IL1RAPL2: variants seen among roughly 807,000 people sequenced by gnomAD.
The protein encoded by IL1RAPL2 is X-linked interleukin-1 receptor accessory protein-like 2.
Under a neutral mutation model 44.1 loss-of-function variants are expected in IL1RAPL2, and 3 were observed. The ratio of observed to expected loss-of-function variants is 0.07; its 90% CI spans 0.03 to 0.18. IL1RAPL2 has a LOEUF of 0.18. IL1RAPL2 is among the 10% of genes least tolerant of loss of function. The pLI is 1.00. For missense variants in IL1RAPL2, 391 were observed against 496.4 expected (o/e 0.79, Z 2.02); for synonymous variants, 181 against 178.8 (o/e 1.01, Z -0.10).
chrX:104,893,799 A>G (rs1420342384), intron 2 of IL1RAPL2, among the ~76,000 whole-genome samples: 1 of 111,330 alleles, frequency 9.0e-6, no homozygotes, highest in Non-Finnish European at 1.9e-5. Context: ...TAAGGTTAAT[A>G]TTGTTATGTG....
At chrX:104,925,982 T>C (rs1423977982) in intron 2 of IL1RAPL2, among the ~76,000 whole-genome samples, 1 of 112,198 alleles carries the variant, frequency 8.9e-6, no homozygotes, top group Non-Finnish European at 1.9e-5. Context: ...AGCTGATAAA[T>C]AACTTCAGCA....
chrX:104,867,945 A>G (rs1488738237), intron 2 of IL1RAPL2, among the ~76,000 whole-genome samples: 1 of 111,954 alleles, frequency 8.9e-6, no homozygotes, highest in African/African-American at 3.2e-5. Flanking sequence ...ATTAATCTGG[A>G]AGTTAAGTAG....
chrX:105,751,143 G>A (rs1165927568), intron 9 of IL1RAPL2, among the ~76,000 whole-genome samples: 1 of 110,276 alleles, frequency 9.1e-6, no homozygotes, highest in Non-Finnish European at 1.9e-5. Context: ...GCATGGTGGT[G>A]CATGCCTTTG....
intron 5 of IL1RAPL2, among the ~76,000 whole-genome samples, chrX:105,317,577 A>G (rs907603644): frequency 8.9e-6 from 1 of 111,893 alleles, no homozygotes; most frequent in Non-Finnish European, 1.9e-5. Context: ...AACATAATCC[A>G]GATCATGAAG....
intron 2 of IL1RAPL2, among the ~76,000 whole-genome samples, chrX:104,768,539 G>A (rs763261329): frequency 9.0e-6 from 1 of 111,488 alleles, no homozygotes; most frequent in Admixed American, 9.6e-5. Context: ...TGATACTTAT[G>A]CTCAGTGGTT....
intron 1 of IL1RAPL2, among the ~76,000 whole-genome samples, chrX:104,576,495 G>A (rs911197770): frequency 6.3e-5 from 7 of 111,352 alleles, no homozygotes; most frequent in African/African-American, 2.0e-4. Context: ...ATCCTAAGGC[G>A]TTGTACCATA....
At chrX:105,020,065 T>C (rs1434443706) in intron 2 of IL1RAPL2, among the ~76,000 whole-genome samples, 1 of 110,928 alleles carries the variant, frequency 9.0e-6, no homozygotes, top group Non-Finnish European at 1.9e-5. Flanking sequence ...GCTCAAACTA[T>C]TGTGCTCAGG....
At chrX:104,740,217 G>A (rs1045012212) in intron 2 of IL1RAPL2, among the ~76,000 whole-genome samples, 1 of 111,082 alleles carries the variant, frequency 9.0e-6, no homozygotes, top group African/African-American at 3.3e-5. Context: ...CTAGTACATG[G>A]TTTCAGGTCA....
chrX:105,109,822 C>T (rs146662110), intron 2 of IL1RAPL2, among the ~76,000 whole-genome samples: 1,272 of 112,143 alleles, frequency 0.011, 22 homozygotes, highest in African/African-American at 0.039. Flanking sequence ...GATCTGACAA[C>T]GTAGAAAAAT....
chrX:104,567,830 T>C (rs753973814), intron 1 of IL1RAPL2, among the ~76,000 whole-genome samples: 2 of 112,346 alleles, frequency 1.8e-5, no homozygotes, highest in East Asian at 5.7e-4. Flanking sequence ...CAGCTTGATC[T>C]GTCACCATCA....
intron 6 of IL1RAPL2, among the ~76,000 whole-genome samples, chrX:105,491,436 A>G (rs922533758): frequency 4.5e-5 from 5 of 111,682 alleles, no homozygotes; most frequent in Non-Finnish European, 9.4e-5. Context: ...TAAATTTTTT[A>G]TATCATATTC....
intron 2 of IL1RAPL2, among the ~76,000 whole-genome samples, chrX:104,998,104 G>A (rs1169344403): frequency 9.0e-6 from 1 of 111,515 alleles, no homozygotes; most frequent in East Asian, 2.9e-4. Context: ...AATAAAAAAG[G>A]AGAATCCAAC....
chrX:105,101,946 G>A (rs989383052), intron 2 of IL1RAPL2, among the ~76,000 whole-genome samples: 15 of 111,987 alleles, frequency 1.3e-4, no homozygotes, highest in Middle Eastern at 4.6e-3. Context: ...GCTTTTTTAC[G>A]TTTGACTCTT....
intron 1 of IL1RAPL2, among the ~76,000 whole-genome samples, chrX:104,623,532 G>T (rs1929440232): frequency 9.0e-6 from 1 of 110,932 alleles, no homozygotes; most frequent in African/African-American, 3.3e-5. Context: ...ATAGGCAAAG[G>T]CTACCCATCA....
intron 2 of IL1RAPL2, among the ~76,000 whole-genome samples, chrX:104,792,870 G>T (rs1206218013): frequency 8.9e-6 from 1 of 111,900 alleles, no homozygotes; most frequent in Non-Finnish European, 1.9e-5. Context: ...CTTTTAAAAT[G>T]GATTTCCATC....
At chrX:104,658,235 G>C (rs1191344580) in intron 1 of IL1RAPL2, among the ~76,000 whole-genome samples, 2 of 112,246 alleles carry the variant, frequency 1.8e-5, no homozygotes, top group Non-Finnish European at 1.9e-5. Flanking sequence ...TCAATGATAG[G>C]CTGGATTAAG....
chrX:105,174,791 A>G (rs1230715365), intron 2 of IL1RAPL2, among the ~76,000 whole-genome samples: 2 of 111,465 alleles, frequency 1.8e-5, no homozygotes, highest in Admixed American at 1.9e-4. Flanking sequence ...AGCACCTTCA[A>G]TGTCACCCAC....
rs140870252 is a variant in IL1RAPL2, at chrX:105,614,230, G to A, written c.773-103137G>A. Reference sequence around the variant, plus strand: ...TCCATGTTTATGGATTGAAAGACTCGATGTTGTTAAAATGTCTATACTACC... The same window carrying A: ...TCCATGTTTATGGATTGAAAGACTCAATGTTGTTAAAATGTCTATACTACC... On this transcript the variant is annotated intron_variant, in intron 6 of 10. Coordinates refer to ENST00000372582, the MANE Select transcript of IL1RAPL2 (RefSeq NM_017416.2). Among the ~76,000 whole-genome samples, 505 of 111,658 alleles carry A rather than the reference G, an allele frequency of 4.5e-3. 11 individuals carry two copies. Among genetic ancestry groups the A allele is most frequent in the Admixed American group, 0.039 (407 of 10,494 alleles).
chrX:105,584,201 G>A (rs1455129932), intron 6 of IL1RAPL2, among the ~76,000 whole-genome samples: 2 of 111,555 alleles, frequency 1.8e-5, no homozygotes, highest in South Asian at 3.7e-4. Context: ...AGAGAAGAGT[G>A]TGAAATCTCC....
Sources: gnomAD v4.1 joint callset for allele counts (sites outside exome capture counted in the v4.1 genomes callset) on GRCh38, gnomAD v4.1.1 for gene constraint, MANE v1.5 for transcripts, NCBI Gene and HGNC (gene_info 2026-07-23, HGNC 2026-07-21) for gene names.